TRPM3: variants seen among roughly 807,000 people sequenced by gnomAD.
TRPM3 encodes long transient receptor potential channel 3.
TRPM3 carries 77 observed loss-of-function variants against 181.2 expected under a neutral mutation model. That is an observed-to-expected ratio of 0.42 (90% CI 0.35 to 0.51). The LOEUF (loss-of-function observed/expected upper bound fraction) is 0.51. Ranked by LOEUF, TRPM3 falls within the 20% of genes least tolerant of loss-of-function variation. The pLI, the probability that TRPM3 is intolerant of heterozygous loss-of-function variation, is 0.01. For missense variants in TRPM3, 1,759 were observed against 2,196.7 expected, an observed-to-expected ratio of 0.80 and a Z score of 3.98; for synonymous variants, 745 against 796.4, an observed-to-expected ratio of 0.94 and a Z score of 1.09.
chr9:71,198,347 T>C (rs1219999278), intron 1 of TRPM3, among the ~76,000 whole-genome samples: 6 of 151,874 alleles, frequency 4.0e-5, no homozygotes, highest in African/African-American at 1.2e-4. Context: ...AATGACTTGG[T>C]GATGCGGGCT....
In TRPM3 at chr9:70,767,171, G is replaced by A. The variant is rs567277934; in HGVS notation, c.1149-5447C>T. 2.1e-4 allele frequency among the ~76,000 whole-genome samples: 32 copies of A among 152,328 alleles called. No individual in the cohort carries two copies. The East Asian group carries it at 2.1e-3, about 10-fold the overall frequency. On this transcript the variant is annotated intron_variant, in intron 7 of 25. Coordinates refer to ENST00000677713, the MANE Select transcript of TRPM3 (RefSeq NM_001366145.2). The stretch of plus-strand genomic sequence containing the variant: ...AGTGCTCTGCACATCTGGTGAGTCC[G>A]GTGGTGTAAGGCTGGAGAAATAACT...
rs532345122 is a variant in TRPM3, at chr9:70,914,271, C to T, written c.178-49760G>A. 7.9e-5 allele frequency among the ~76,000 whole-genome samples: 12 copies of T among 152,282 alleles called. No individual in the cohort carries two copies. The East Asian group carries it at 1.7e-3, about 22-fold the overall frequency. ...CTGTCATGTGAGAACACAGGAACAT[C>T]GTGCTATTTTGGAAGCAGAGATTCC... On this transcript the variant is annotated intron_variant, in intron 1 of 25. Coordinates refer to ENST00000677713, the MANE Select transcript of TRPM3 (RefSeq NM_001366145.2).
chr9:71,280,824 G>A (rs1380940909), intron 1 of TRPM3, among the ~76,000 whole-genome samples: 5 of 152,136 alleles, frequency 3.3e-5, no homozygotes, highest in Admixed American at 2.6e-4. Flanking sequence ...TCTTTCTCCA[G>A]ATCTTAACCC....
chr9:71,311,336 G>C (rs1191567721), intron 1 of TRPM3, among the ~76,000 whole-genome samples: 1 of 152,114 alleles, frequency 6.6e-6, no homozygotes, highest in Non-Finnish European at 1.5e-5. Context: ...GAAAATGTGT[G>C]TCAAACCCAG....
chr9:71,360,274 T>A (rs1195115475), intron 1 of TRPM3, among the ~76,000 whole-genome samples: 1 of 152,170 alleles, frequency 6.6e-6, no homozygotes, highest in Non-Finnish European at 1.5e-5. Flanking sequence ...CAACCACATA[T>A]AATTATTTGA....
chr9:70,748,079 CAG>C (rs1290423932), intron 8 of TRPM3, among the ~76,000 whole-genome samples: 1 of 151,894 alleles, frequency 6.6e-6, no homozygotes, highest in African/African-American at 2.4e-5. Flanking sequence ...CAAATGGTAA[CAG>C]AAGTGTTAAA....
At chr9:71,210,264 C>T (rs545130533) in intron 1 of TRPM3, among the ~76,000 whole-genome samples, 1 of 152,312 alleles carries the variant, frequency 6.6e-6, no homozygotes, top group Admixed American at 6.5e-5. Context: ...CACTGTCTCC[C>T]ATCACCCCCG....
At chr9:70,638,930 G>C (rs1205638974) in intron 11 of TRPM3, 130 bp downstream of exon 11, 1 of 1,038,458 alleles carries the variant, frequency 9.6e-7, no homozygotes, top group Non-Finnish European at 1.4e-6. Flanking sequence ...AGGTCTAAGG[G>C]AGTATTTGTG....
At chr9:71,226,380 A>C (rs1164327911) in intron 1 of TRPM3, among the ~76,000 whole-genome samples, 1 of 152,104 alleles carries the variant, frequency 6.6e-6, no homozygotes, top group Non-Finnish European at 1.5e-5. Context: ...CAATTGAAAG[A>C]CATAGAGTGG....
intron 1 of TRPM3, among the ~76,000 whole-genome samples, chr9:71,430,586 G>A (rs1342887161): frequency 6.6e-6 from 1 of 152,134 alleles, no homozygotes; most frequent in African/African-American, 2.4e-5. Flanking sequence ...GGCTGAGGCG[G>A]GTGGATCACA....
intron 6 of TRPM3, among the ~76,000 whole-genome samples, chr9:70,819,351 A>G (rs934163285): frequency 1.3e-5 from 2 of 152,230 alleles, no homozygotes; most frequent in Admixed American, 1.3e-4. Context: ...ATAATAAAAC[A>G]TATTTTTGCA....
At chr9:71,226,724 C>A (rs553905079) in intron 1 of TRPM3, among the ~76,000 whole-genome samples, 1 of 151,488 alleles carries the variant, frequency 6.6e-6, no homozygotes, top group East Asian at 1.9e-4. Flanking sequence ...AATGGAGCAC[C>A]CAGATATTTA....
In TRPM3 at chr9:71,312,350, G is replaced by A. The variant is rs138305980; in HGVS notation, c.183+134303C>T. On this transcript the variant is annotated intron_variant, in intron 1 of 24. Transcript: ENST00000357533. The stretch of plus-strand genomic sequence containing the variant: ...GAAATGCAAATTAAAACAGGAATGA[G>A]ATATTACTGCATATCTATTAAAATG... Among the ~76,000 whole-genome samples, 1,312 of 152,188 alleles carry A rather than the reference G, an allele frequency of 8.6e-3. 26 individuals carry two copies. Among genetic ancestry groups the A allele is most frequent in the African/African-American group, 0.03 (1,256 of 41,522 alleles).
At chr9:70,923,886 A>C (rs1382137991) in intron 1 of TRPM3, among the ~76,000 whole-genome samples, 3 of 150,114 alleles carry the variant, frequency 2.0e-5, no homozygotes, top group African/African-American at 7.3e-5. Context: ...ATATACACAC[A>C]CACATATATA....
At chr9:70,996,968 GT>G (rs1387388894) in intron 1 of TRPM3, among the ~76,000 whole-genome samples, 1 of 152,118 alleles carries the variant, frequency 6.6e-6, no homozygotes, top group Non-Finnish European at 1.5e-5. Context: ...TTTAATACGA[GT>G]TTATGACTCC....
rs1242745256 is a variant in TRPM3 at position 70,610,654 on chromosome 9, G to A, written c.2622C>T (p.Ile874=). The A allele has an allele frequency of 6.2e-7, 1 of 1,614,058 alleles. No homozygotes were observed. Residue 874 remains isoleucine, a synonymous_variant, in exon 19 of 26, where the codon ATC becomes ATT. Transcript: ENST00000677713. ...CGATGGGTGCATTGTAGAATTCATAGATTTTTCTGCCGAGGGGGATTAACC... is the reference window on the plus strand; with the variant it reads ...CGATGGGTGCATTGTAGAATTCATAAATTTTTCTGCCGAGGGGGATTAACC... ...KHRLIPLGRK[I]YEFYNAPIVK...
intron 9 of TRPM3, among the ~76,000 whole-genome samples, chr9:70,660,781 T>C (rs1450901129): frequency 2.6e-5 from 4 of 151,960 alleles, no homozygotes; most frequent in African/African-American, 9.7e-5. Context: ...AGCAGCAAGA[T>C]TGAATAAGTA....
At chr9:71,068,654 T>A (rs1391468864) in intron 1 of TRPM3, among the ~76,000 whole-genome samples, 1 of 152,112 alleles carries the variant, frequency 6.6e-6, no homozygotes, top group Non-Finnish European at 1.5e-5. Flanking sequence ...GCTATGTGAG[T>A]GGCCATGCTG....
At chr9:70,611,641 C>G (rs59663306) in intron 18 of TRPM3, among the ~76,000 whole-genome samples, 2,476 of 152,262 alleles carry the variant, frequency 0.016, 73 homozygotes, top group African/African-American at 0.056. Context: ...AAACAGTTAG[C>G]GACTTCTCCC....
Sources: allele counts gnomAD v4.1 joint callset (sites outside exome capture counted in the v4.1 genomes callset), GRCh38; gene constraint gnomAD v4.1.1; transcripts MANE v1.5; gene names NCBI Gene and HGNC (gene_info 2026-07-23, HGNC 2026-07-21).